TENM4: variants seen among roughly 807,000 people sequenced by gnomAD.
TENM4 encodes the protein teneurin-4.
TENM4 carries 82 observed loss-of-function variants against 243.3 expected under a neutral mutation model. The observed-to-expected ratio is 0.34, with a 90% confidence interval of 0.28 to 0.40. The LOEUF (loss-of-function observed/expected upper bound fraction) is 0.40. Among genes scored for constraint, TENM4 ranks in the 10% least tolerant of loss-of-function variants. TENM4 has a pLI of 1.00. For missense variants in TENM4, 3,138 were observed against 3,673.3 expected (o/e 0.85, Z 3.77); for synonymous variants, 1,412 against 1,456.3 (o/e 0.97, Z 0.69).
chr11:79,235,623 C>A (rs1407088545), intron 2 of TENM4, among the ~76,000 whole-genome samples: 1 of 152,112 alleles, frequency 6.6e-6, no homozygotes, highest in Non-Finnish European at 1.5e-5. Flanking sequence ...AAAGCTGGAC[C>A]AGGGGACAAG....
At chr11:79,124,881 A>G (rs1861835548) in intron 4 of TENM4, among the ~76,000 whole-genome samples, 1 of 79,318 alleles carries the variant, frequency 1.3e-5, no homozygotes, top group African/African-American at 4.1e-5. Flanking sequence ...ATGTGTATAT[A>G]TGTATATGTA....
rs1247751507 is a variant in TENM4 at position 78,669,781 on chromosome 11, A to G, written c.6564T>C (p.Asn2188=). The stretch of plus-strand genomic sequence containing the variant: ...CATACTCATAGGAGTAGCGAGTGGT[A>G]TTGGCGTAGGGTCCTACCTTCAGCT... The part of the protein sequence containing the change: ...KKELKVGPYA[N]TTRYSYEYDA... The change falls in exon 32 of 34, where the codon AAT becomes AAC. Residue 2188 remains asparagine (N), a synonymous_variant. Coordinates refer to ENST00000278550, the MANE Select transcript of TENM4 (RefSeq NM_001098816.3). The surrounding 1 kb of genome is among the most constrained non-coding windows in gnomAD (Gnocchi z 6.4). The G allele has an allele frequency of 6.2e-7, 1 of 1,613,786 alleles. No homozygotes were observed. Among genetic ancestry groups the G allele is most frequent in the African/African-American group, 1.3e-5 (1 of 74,870 alleles).
Position 78,814,410 on chromosome 11 carries a change from G to T in TENM4, c.1682-15C>A, listed in dbSNP as rs1367945136. ...ATCCACCGACTCTGGGGAGAGAAAG[G>T]AGAAGGAGAGTTGAAAACAAATTTC... On this transcript the variant is annotated splice_polypyrimidine_tract_variant and intron_variant, in intron 12 of 33. Coordinates refer to ENST00000278550, the MANE Select transcript of TENM4 (RefSeq NM_001098816.3). 2.6e-6 allele frequency: 4 copies of T among 1,546,310 alleles called. No individual in the cohort carries two copies. In the South Asian group the frequency reaches 4.8e-5, roughly 19 times the overall value.
chr11:79,380,469 GAAC>G (rs1857978587), intron 1 of TENM4, among the ~76,000 whole-genome samples: 1 of 152,182 alleles, frequency 6.6e-6, no homozygotes, highest in South Asian at 2.1e-4. Context: ...CAGGTCTTGG[GAAC>G]AGGCTGATTG....
In TENM4 at chr11:78,661,442, G is replaced by A. The variant is rs1466302869; in HGVS notation, c.7551+7C>T. ...CCTGAGGAGTGGCAGCCTTGTGCAGGAATTACCTTGCTGTTGTCCCACTCC... is the reference window on the plus strand; with the variant it reads ...CCTGAGGAGTGGCAGCCTTGTGCAGAAATTACCTTGCTGTTGTCCCACTCC... On this transcript the variant is annotated splice_region_variant and intron_variant, in intron 33 of 33. Coordinates refer to ENST00000278550, the MANE Select transcript of TENM4 (RefSeq NM_001098816.3). 1.2e-6 allele frequency: 2 copies of A among 1,605,618 alleles called. No homozygotes were observed.
At chr11:78,758,316 G>A (rs1856357013) in intron 18 of TENM4, among the ~76,000 whole-genome samples, 1 of 152,202 alleles carries the variant, frequency 6.6e-6, no homozygotes, top group Non-Finnish European at 1.5e-5. Context: ...AATGGGAATT[G>A]AATGAATTAA....
At chr11:79,368,043 T>C (rs1325782424) in intron 1 of TENM4, among the ~76,000 whole-genome samples, 3 of 152,152 alleles carry the variant, frequency 2.0e-5, no homozygotes, top group Non-Finnish European at 4.4e-5. Context: ...GGCAAAGTCC[T>C]ACCATGTGAG....
intron 9 of TENM4, among the ~76,000 whole-genome samples, chr11:78,865,720 G>A (rs1252336929): frequency 2.6e-5 from 4 of 152,178 alleles, no homozygotes; most frequent in Admixed American, 1.3e-4. Context: ...CTTCAGCCAG[G>A]AGGCCACGCT....
chr11:79,102,433 A>G (rs1861256983), intron 4 of TENM4, among the ~76,000 whole-genome samples: 1 of 152,204 alleles, frequency 6.6e-6, no homozygotes, highest in African/African-American at 2.4e-5. Flanking sequence ...CCCTTCGAAA[A>G]ATATAAGAAT....
At chr11:79,222,883 T>C (rs1864190998) in intron 2 of TENM4, among the ~76,000 whole-genome samples, 1 of 152,178 alleles carries the variant, frequency 6.6e-6, no homozygotes. Flanking sequence ...AAGTTCCTTG[T>C]AGGTTCTGGA....
intron 28 of TENM4, among the ~76,000 whole-genome samples, chr11:78,691,625 T>C (rs1398645195): frequency 6.6e-6 from 1 of 152,220 alleles, no homozygotes; most frequent in African/African-American, 2.4e-5. Context: ...CAATTGCAAT[T>C]ATTATTGAAG....
intron 1 of TENM4, among the ~76,000 whole-genome samples, chr11:79,419,211 A>G (rs1858880266): frequency 6.6e-6 from 1 of 152,108 alleles, no homozygotes; most frequent in Non-Finnish European, 1.5e-5. Flanking sequence ...AGGATCAAAA[A>G]CCACTCCCAG....
chr11:78,805,549 T>A, intron 14 of TENM4, 57 bp from the exon 15 acceptor site: 1 of 1,537,862 alleles, frequency 6.5e-7, no homozygotes, highest in South Asian at 1.2e-5. Flanking sequence ...AGGTGAGGCT[T>A]CTTTAAGCAA....
intron 4 of TENM4, among the ~76,000 whole-genome samples, chr11:79,081,224 T>C (rs1267464221): frequency 6.6e-6 from 1 of 152,246 alleles, no homozygotes; most frequent in Non-Finnish European, 1.5e-5. Flanking sequence ...CCTGAGTTCA[T>C]ACAGCTTTGG....
chr11:78,868,521 A>G (rs1306283939), intron 9 of TENM4, among the ~76,000 whole-genome samples: 1 of 152,108 alleles, frequency 6.6e-6, no homozygotes, highest in Non-Finnish European at 1.5e-5. Context: ...CAGGGCTGAC[A>G]TTTTCCCCGT....
intron 2 of TENM4, among the ~76,000 whole-genome samples, chr11:79,287,078 G>A (rs1279007705): frequency 2.0e-5 from 3 of 152,186 alleles, no homozygotes; most frequent in Admixed American, 6.5e-5. Context: ...TGTTTGTTGC[G>A]AAGTGTGCTT....
intron 4 of TENM4, among the ~76,000 whole-genome samples, chr11:79,086,229 T>C (rs1860808429): frequency 6.6e-6 from 1 of 152,182 alleles, no homozygotes; most frequent in African/African-American, 2.4e-5. Flanking sequence ...TCCCCCTGCT[T>C]TTGGAAAACA....
At chr11:79,217,551 T>C (rs1414426596) in intron 2 of TENM4, among the ~76,000 whole-genome samples, 2 of 152,196 alleles carry the variant, frequency 1.3e-5, no homozygotes, top group Admixed American at 6.5e-5. Context: ...CAAAATCCAC[T>C]TAATAGTAAA....
rs921601410 is a variant in TENM4 at position 78,816,781 on chromosome 11, T to A, written c.1682-2386A>T. 3.9e-5 allele frequency among the ~76,000 whole-genome samples: 6 copies of A among 152,330 alleles called. No homozygotes were observed. In the East Asian group the frequency reaches 1.2e-3, roughly 29 times the overall value. ...CCTGTGTTAAATGAATGTTACTACATTAGATACAAGCCTTGCCTATAGGAA... is the reference window on the plus strand; with the variant it reads ...CCTGTGTTAAATGAATGTTACTACAATAGATACAAGCCTTGCCTATAGGAA... On this transcript the variant is annotated intron_variant, in intron 12 of 33. Coordinates refer to ENST00000278550, the MANE Select transcript of TENM4 (RefSeq NM_001098816.3).
Sources: gnomAD v4.1 joint callset for allele counts (sites outside exome capture counted in the v4.1 genomes callset) on GRCh38, gnomAD v4.1.1 for gene constraint, Gnocchi (gnomAD v3.1) non-coding constraint, MANE v1.5 for transcripts, NCBI Gene and HGNC (gene_info 2026-07-23, HGNC 2026-07-21) for gene names.